Variants in STXBP5L observed in about 807,000 individuals in gnomAD.
The protein encoded by STXBP5L is syntaxin binding protein 5L.
Under a neutral mutation model 144.5 loss-of-function variants are expected in STXBP5L, and 65 were observed. That is an observed-to-expected ratio of 0.45 (90% confidence interval 0.37 to 0.55). The LOEUF is 0.55. Among genes scored for constraint, STXBP5L ranks in the 20% least tolerant of loss-of-function variants. STXBP5L has a pLI of 0.00. For synonymous variants in STXBP5L, 505 were observed against 469.6 expected, an observed-to-expected ratio of 1.08 and a Z score of -0.97; for missense variants, 1,298 against 1,405.5, an observed-to-expected ratio of 0.92 and a Z score of 1.22.
intron 3 of STXBP5L, among the ~76,000 whole-genome samples, chr3:121,013,487 G>T (rs1447028494): frequency 6.6e-6 from 1 of 152,028 alleles, no homozygotes; most frequent in East Asian, 1.9e-4. Context: ...GTGCTTGTAT[G>T]TCTTCTTTGG....
rs144229010 is a variant in STXBP5L at position 121,165,552 on chromosome 3, T to C, written c.877+7925T>C. Reference sequence around the variant, plus strand: ...GACATCTCTTTCCTTATCCTGCTTTTGTTGTAGGAAAAACTGGTTCTTATA... The same window carrying C: ...GACATCTCTTTCCTTATCCTGCTTTCGTTGTAGGAAAAACTGGTTCTTATA... On this transcript the variant is annotated intron_variant, in intron 9 of 26. Coordinates refer to ENST00000471454, the MANE Select transcript of STXBP5L (RefSeq NM_001308330.2). Among the ~76,000 whole-genome samples, 691 of 152,306 alleles carry C rather than the reference T, an allele frequency of 4.5e-3. 4 individuals carry two copies. Among genetic ancestry groups the C allele is most frequent in the African/African-American group, 0.016 (659 of 41,562 alleles).
At chr3:121,271,582 A>G (rs546114587) in intron 18 of STXBP5L, among the ~76,000 whole-genome samples, 1 of 152,282 alleles carries the variant, frequency 6.6e-6, no homozygotes, top group African/African-American at 2.4e-5. Flanking sequence ...ACACTTTTTG[A>G]TATATATGAG....
In STXBP5L at chr3:121,403,247, A is replaced by G. The variant is rs970544031; in HGVS notation, c.2588-3996A>G. On this transcript the variant is annotated intron_variant, in intron 22 of 26. Transcript: ENST00000471454. The stretch of plus-strand genomic sequence containing the variant: ...ACAGAATCATTCTATCTCCTGGCCT[A>G]TCCTAAAGGGAATCAAGGTTGGAAG... 4.6e-5 allele frequency among the ~76,000 whole-genome samples: 7 copies of G among 152,280 alleles called. No individual in the cohort carries two copies. In the East Asian group the frequency reaches 9.7e-4, roughly 21 times the overall value.
At chr3:121,098,769 C>G (rs1412067857) in intron 5 of STXBP5L, among the ~76,000 whole-genome samples, 1 of 152,200 alleles carries the variant, frequency 6.6e-6, no homozygotes, top group Non-Finnish European at 1.5e-5. Flanking sequence ...CAAAAGACCA[C>G]TCTGGCCATT....
chr3:120,922,490 T>G (rs1709405679), intron 2 of STXBP5L, among the ~76,000 whole-genome samples: 2 of 151,922 alleles, frequency 1.3e-5, no homozygotes, highest in Admixed American at 6.6e-5. Flanking sequence ...GTCAGGACTT[T>G]CTGTATTAGG....
At chr3:121,160,336 G>A (rs1043510740) in intron 9 of STXBP5L, among the ~76,000 whole-genome samples, 5 of 151,896 alleles carry the variant, frequency 3.3e-5, no homozygotes, top group South Asian at 2.1e-4. Flanking sequence ...TCCACCTTTT[G>A]TATACACAGA....
chr3:120,990,850 A>C (rs929009973), intron 3 of STXBP5L, among the ~76,000 whole-genome samples: 4 of 152,188 alleles, frequency 2.6e-5, no homozygotes, highest in East Asian at 1.9e-4. Context: ...TAAAGACTTA[A>C]ATGTTAGACC....
At chr3:120,974,913 G>C (rs1424198702) in intron 3 of STXBP5L, among the ~76,000 whole-genome samples, 3 of 152,038 alleles carry the variant, frequency 2.0e-5, no homozygotes, top group Non-Finnish European at 2.9e-5. Context: ...TCTCTGTTTT[G>C]GTACCAGTAC....
intron 14 of STXBP5L, among the ~76,000 whole-genome samples, chr3:121,244,447 C>T (rs552957077): frequency 1.2e-4 from 17 of 146,846 alleles, no homozygotes; most frequent in African/African-American, 3.5e-4. Flanking sequence ...TAAGAAGGGG[C>T]GGGGAGAGAG....
chr3:121,407,633 A>G (rs2047023943), intron 23 of STXBP5L, 30 bp downstream of exon 23: 6 of 1,611,966 alleles, frequency 3.7e-6, no homozygotes, highest in Middle Eastern at 1.7e-4. Flanking sequence ...TTATCTGGTA[A>G]TCACAACAAT....
intron 3 of STXBP5L, among the ~76,000 whole-genome samples, chr3:121,017,641 C>G (rs940810554): frequency 6.6e-5 from 10 of 152,108 alleles, no homozygotes; most frequent in Admixed American, 3.3e-4. Flanking sequence ...TATATACCAG[C>G]AATGAACAAT....
chr3:121,206,034 C>G lies in STXBP5L; in HGVS notation c.956+33C>G, dbSNP rs781274658. ...TTTTTACTTTAGGGAAAGAGGGATA[C>G]GAAGCAGAGACAAAAAATGCAGATG... On this transcript the variant is annotated intron_variant, in intron 10 of 26. Coordinates refer to ENST00000471454, the MANE Select transcript of STXBP5L (RefSeq NM_001308330.2). 5.3e-6 allele frequency: 7 copies of G among 1,309,056 alleles called. No homozygotes were observed. The African/African-American group carries it at 7.7e-5, about 14-fold the overall frequency. 81.1% of individuals were successfully genotyped at this position (1,309,056 alleles called of 1,614,324 possible).
chr3:121,380,310 T>TAAAA (rs1338508772), intron 21 of STXBP5L, among the ~76,000 whole-genome samples: 4 of 152,108 alleles, frequency 2.6e-5, no homozygotes, highest in Admixed American at 2.0e-4. Flanking sequence ...TGCTAAGAGA[T>TAAAA]AAAAAGGAGA....
intron 19 of STXBP5L, among the ~76,000 whole-genome samples, chr3:121,310,326 A>G (rs536421094): frequency 6.6e-6 from 1 of 152,388 alleles, no homozygotes; most frequent in South Asian, 2.1e-4. Flanking sequence ...GAGGCCAGGC[A>G]TGGGCTGGGC....
At chr3:121,220,910 A>G (rs2048953737) in intron 10 of STXBP5L, among the ~76,000 whole-genome samples, 1 of 152,000 alleles carries the variant, frequency 6.6e-6, no homozygotes, top group Non-Finnish European at 1.5e-5. Flanking sequence ...CACAAAATTT[A>G]CTTTATATAT....
chr3:121,024,372 G>A (rs1320782799), intron 3 of STXBP5L, among the ~76,000 whole-genome samples: 4 of 152,092 alleles, frequency 2.6e-5, no homozygotes, highest in Non-Finnish European at 5.9e-5. Context: ...CTTTACTTTA[G>A]GAATTCTTTA....
intron 20 of STXBP5L, among the ~76,000 whole-genome samples, chr3:121,367,229 T>A (rs1372700149): frequency 6.6e-6 from 1 of 152,218 alleles, no homozygotes; most frequent in African/African-American, 2.4e-5. Flanking sequence ...TTTATTGAGA[T>A]CTTTATTCCT....
intron 9 of STXBP5L, among the ~76,000 whole-genome samples, chr3:121,188,150 A>G (rs1308738076): frequency 6.6e-6 from 1 of 152,190 alleles, no homozygotes; most frequent in Non-Finnish European, 1.5e-5. Flanking sequence ...TAACAAGGAT[A>G]TCCAGGACTT....
At chr3:121,263,725 C>G (rs2050461029) in intron 18 of STXBP5L, among the ~76,000 whole-genome samples, 1 of 151,908 alleles carries the variant, frequency 6.6e-6, no homozygotes, top group Admixed American at 6.6e-5. Flanking sequence ...GATTGAAGAT[C>G]AACTTAATGA....
Sources: gnomAD v4.1 joint callset for allele counts (sites outside exome capture counted in the v4.1 genomes callset) on GRCh38, gnomAD v4.1.1 for gene constraint, MANE v1.5 for transcripts, NCBI Gene and HGNC (gene_info 2026-07-23, HGNC 2026-07-21) for gene names.